Variants in PSD3 observed in about 807,000 individuals in gnomAD.
PSD3 encodes pleckstrin and Sec7 domain containing 3, also known as PH and SEC7 domain-containing protein 3.
Under a neutral mutation model 105.5 loss-of-function variants are expected in PSD3, and 49 were observed. That is an observed-to-expected ratio of 0.46 (90% CI 0.37 to 0.59). PSD3 has a LOEUF of 0.59. Among genes scored for constraint, PSD3 ranks in the 20% least tolerant of loss-of-function variants. The pLI is 0.00. For missense variants in PSD3, 1,561 were observed against 1,263.8 expected, an observed-to-expected ratio of 1.24 and a Z score of -3.57; for synonymous variants, 557 against 457.8, an observed-to-expected ratio of 1.22 and a Z score of -2.77.
intron 2 of PSD3, among the ~76,000 whole-genome samples, chr8:18,918,324 T>TTGAAAA (rs1820758529): frequency 1.3e-5 from 2 of 152,200 alleles, no homozygotes; most frequent in African/African-American, 4.8e-5. Context: ...AGATCTCAGA[T>TTGAAAA]GTCACCTCTT....
At chr8:18,748,104 C>T (rs1033930706) in intron 9 of PSD3, among the ~76,000 whole-genome samples, 3 of 152,104 alleles carry the variant, frequency 2.0e-5, no homozygotes, top group African/African-American at 7.2e-5. Flanking sequence ...TCCTATTTCT[C>T]ATATGCAGCA....
chr8:18,717,094 C>G (rs2129424737), intron 9 of PSD3, among the ~76,000 whole-genome samples: 1 of 152,328 alleles, frequency 6.6e-6, no homozygotes, highest in Non-Finnish European at 1.5e-5. Context: ...TAGCTTCCAG[C>G]ACTAAAATCA....
At chr8:18,949,279 T>TATATATATATA (rs1563453978) in intron 1 of PSD3, among the ~76,000 whole-genome samples, 28 of 78,234 alleles carry the variant, frequency 3.6e-4, no homozygotes, top group Non-Finnish European at 6.1e-4. Context: ...ATATATATAT[T>TATATATATATA]TATAGTTTTC....
intron 9 of PSD3, among the ~76,000 whole-genome samples, chr8:18,657,906 C>A (rs1038607): frequency 6.6e-6 from 1 of 151,556 alleles, no homozygotes; most frequent in East Asian, 1.9e-4. Flanking sequence ...GTTTAAATGA[C>A]CGCTAAACAG....
chr8:18,771,852 A>T (rs1009100004), intron 8 of PSD3, among the ~76,000 whole-genome samples: 1 of 152,156 alleles, frequency 6.6e-6, no homozygotes, highest in Non-Finnish European at 1.5e-5. Context: ...TCACCTCACT[A>T]ATCTCAAACT....
intron 10 of PSD3, among the ~76,000 whole-genome samples, chr8:18,649,023 A>AT (rs1808269524): frequency 6.6e-6 from 1 of 152,258 alleles, no homozygotes; most frequent in South Asian, 2.1e-4. Flanking sequence ...GCAGGGGTGG[A>AT]ACCCTCTTGG....
intron 1 of PSD3, among the ~76,000 whole-genome samples, chr8:18,969,407 A>C (rs11204009): frequency 0.86 from 130,191 of 152,180 alleles, 55,791 homozygotes; most frequent in South Asian, 0.94. Context: ...CATAGAAATC[A>C]ACGGTACACC....
At chr8:18,806,983 T>C (rs967193816) in intron 4 of PSD3, among the ~76,000 whole-genome samples, 1 of 152,154 alleles carries the variant, frequency 6.6e-6, no homozygotes, top group South Asian at 2.1e-4. Flanking sequence ...CAACTCTGAA[T>C]ATGCCCAAAC....
intron 11 of PSD3, among the ~76,000 whole-genome samples, chr8:18,602,795 C>T (rs150971452): frequency 1.5e-3 from 224 of 152,178 alleles, no homozygotes; most frequent in African/African-American, 4.9e-3. Context: ...ACATACAGTG[C>T]CGCTGTTGCC....
chr8:18,837,988 G>T (rs1179548848), intron 4 of PSD3, among the ~76,000 whole-genome samples: 2 of 152,082 alleles, frequency 1.3e-5, no homozygotes, highest in African/African-American at 4.8e-5. Flanking sequence ...AAATGATAGA[G>T]GACTGTTGTA....
At chr8:18,855,429 G>GA (rs1174726920) in intron 4 of PSD3, among the ~76,000 whole-genome samples, 2 of 151,886 alleles carry the variant, frequency 1.3e-5, no homozygotes, top group South Asian at 2.1e-4. Flanking sequence ...ATAGAAAAAT[G>GA]AAAAAAATAG....
intron 9 of PSD3, among the ~76,000 whole-genome samples, chr8:18,692,600 G>C (rs562942152): frequency 6.6e-6 from 1 of 151,854 alleles, no homozygotes; most frequent in African/African-American, 2.4e-5. Flanking sequence ...GATGATGAGA[G>C]GCTTTTTTAA....
At chr8:18,793,384 A>AC (rs1335435488) in intron 8 of PSD3, among the ~76,000 whole-genome samples, 2 of 148,534 alleles carry the variant, frequency 1.3e-5, no homozygotes, top group South Asian at 4.2e-4. Flanking sequence ...AAAAAAAAAC[A>AC]AAACAAAACT....
At chr8:18,681,210 G>A (rs1288557725) in intron 9 of PSD3, among the ~76,000 whole-genome samples, 3 of 152,078 alleles carry the variant, frequency 2.0e-5, no homozygotes. Flanking sequence ...ACATGAGAGG[G>A]TGGAGAGAGG....
At position 18,874,476 on chromosome 8, in the gene PSD3, T is replaced by C. The variant is rs868625884; in HGVS notation, c.131-1743A>G. Among the ~76,000 whole-genome samples the C allele has an allele frequency of 6.6e-5, 10 of 152,208 alleles. 1 individual carries two copies. The highest frequency in any genetic ancestry group is 7.4e-5 in the Non-Finnish European group (5 of 68,006). On this transcript the variant is annotated intron_variant, in intron 2 of 15. Transcript: ENST00000327040. ...CATCGCACCTGGCCATTGTTACCAT[T>C]TTTAAACTACTGCAGAGCTACAACC...
At chr8:18,759,072 C>T (rs1806291989) in intron 9 of PSD3, among the ~76,000 whole-genome samples, 1 of 136,918 alleles carries the variant, frequency 7.3e-6, no homozygotes, top group Non-Finnish European at 1.6e-5. Context: ...CAATTTAACC[C>T]ATTCTTCACA....
intron 8 of PSD3, among the ~76,000 whole-genome samples, chr8:18,783,386 T>C (rs1441254212): frequency 6.6e-6 from 1 of 152,184 alleles, no homozygotes; most frequent in Non-Finnish European, 1.5e-5. Flanking sequence ...TTGTCAGTTG[T>C]TGATCTTTTC....
At chr8:18,650,313 CTTTG>C (rs1187887382) in intron 10 of PSD3, among the ~76,000 whole-genome samples, 2 of 151,536 alleles carry the variant, frequency 1.3e-5, no homozygotes, top group East Asian at 1.9e-4. Flanking sequence ...TAATTACTCA[CTTTG>C]TTTATCACTT....
rs559962584 is a variant in PSD3 at position 18,559,047 on chromosome 8, T to C, written c.2785-2695A>G. Among the ~76,000 whole-genome samples, 51 of 152,288 alleles carry C rather than the reference T, an allele frequency of 3.3e-4. No homozygotes were observed. In the South Asian group the frequency reaches 6.8e-3, roughly 20 times the overall value. On this transcript the variant is annotated intron_variant, in intron 14 of 15. Coordinates refer to ENST00000327040, the MANE Select transcript of PSD3 (RefSeq NM_015310.4). Reference sequence around the variant, plus strand: ...ATTTAGCTTGTTTTCAGGTTTCCTGTTGTGGGATTTTTTTTCCCTGTTATA... The same window carrying C: ...ATTTAGCTTGTTTTCAGGTTTCCTGCTGTGGGATTTTTTTTCCCTGTTATA...
Sources: gnomAD v4.1 joint callset for allele counts (sites outside exome capture counted in the v4.1 genomes callset) on GRCh38, gnomAD v4.1.1 for gene constraint, MANE v1.5 for transcripts, NCBI Gene and HGNC (gene_info 2026-07-23, HGNC 2026-07-21) for gene names.